The following PCDH9 variants were observed in gnomAD, a reference collection of about 807,000 sequenced individuals.
PCDH9 encodes the protein protocadherin-9.
PCDH9 carries 24 observed loss-of-function variants against 70.6 expected under a neutral mutation model. The observed-to-expected ratio is 0.34, with a 90% CI of 0.25 to 0.48. PCDH9 has a LOEUF of 0.48. PCDH9 is among the 20% of genes least tolerant of loss of function. The pLI is 0.99. For synonymous variants in PCDH9, 562 were observed against 558.5 expected (o/e 1.01, Z -0.09); for missense variants, 1,281 against 1,503.6 (o/e 0.85, Z 2.45).
At chr13:66,436,457 C>T (rs771939620) in intron 4 of PCDH9, among the ~76,000 whole-genome samples, 15 of 152,180 alleles carry the variant, frequency 9.9e-5, no homozygotes, top group Non-Finnish European at 1.3e-4. Context: ...ACCAAATGGA[C>T]GGATCCACTT....
intron 3 of PCDH9, among the ~76,000 whole-genome samples, chr13:66,713,107 T>G (rs932469626): frequency 6.6e-6 from 1 of 152,160 alleles, no homozygotes; most frequent in Non-Finnish European, 1.5e-5. Flanking sequence ...ATAGTTGTGT[T>G]TGTTTTCTTA....
chr13:67,130,467 C>A (rs1011162676), intron 2 of PCDH9, among the ~76,000 whole-genome samples: 1 of 151,884 alleles, frequency 6.6e-6, no homozygotes, highest in Admixed American at 6.6e-5. Context: ...ACAAACTGCA[C>A]CATTTTGTAA....
At chr13:67,150,794 A>C (rs1237593744) in intron 2 of PCDH9, among the ~76,000 whole-genome samples, 3 of 152,178 alleles carry the variant, frequency 2.0e-5, no homozygotes, top group Non-Finnish European at 4.4e-5. Flanking sequence ...GGTGTTCCCT[A>C]ATCTAATAGA....
chr13:66,902,916 C>A (rs1450944536), intron 3 of PCDH9, among the ~76,000 whole-genome samples: 2 of 151,416 alleles, frequency 1.3e-5, no homozygotes, highest in Non-Finnish European at 3.0e-5. Flanking sequence ...AAGAAAAGAA[C>A]AACTATGGAT....
intron 3 of PCDH9, among the ~76,000 whole-genome samples, chr13:66,752,246 C>T (rs2079471820): frequency 6.6e-6 from 1 of 152,168 alleles, no homozygotes; most frequent in Non-Finnish European, 1.5e-5. Flanking sequence ...TAGTATATGT[C>T]ATGTCTTCAA....
chr13:66,689,506 A>T, intron 3 of PCDH9, among the ~76,000 whole-genome samples: 1 of 152,166 alleles, frequency 6.6e-6, no homozygotes, highest in East Asian at 1.9e-4. Flanking sequence ...TTCAGGAAAA[A>T]AATTAATTTG....
intron 2 of PCDH9, among the ~76,000 whole-genome samples, chr13:66,945,637 T>C (rs948324702): frequency 2.6e-5 from 4 of 152,210 alleles, no homozygotes; most frequent in Non-Finnish European, 4.4e-5. Flanking sequence ...GAAAATTATA[T>C]TGTTAAGACG....
chr13:66,513,719 TAAA>T (rs879773251), intron 4 of PCDH9, among the ~76,000 whole-genome samples: 1 of 136,102 alleles, frequency 7.3e-6, no homozygotes, highest in African/African-American at 2.7e-5. Flanking sequence ...CTTTCTTAAG[TAAA>T]AAAAAAAAAA....
intron 2 of PCDH9, among the ~76,000 whole-genome samples, chr13:66,952,667 T>C (rs2083202407): frequency 6.6e-6 from 1 of 152,140 alleles, no homozygotes; most frequent in Non-Finnish European, 1.5e-5. Flanking sequence ...TAATTGCCTC[T>C]AACTCTCTCA....
chr13:66,780,635 T>C (rs1041711612), intron 3 of PCDH9, among the ~76,000 whole-genome samples: 1 of 152,142 alleles, frequency 6.6e-6, no homozygotes, highest in Non-Finnish European at 1.5e-5. Flanking sequence ...TACTCCCTAG[T>C]CAATATTCTT....
chr13:67,186,896 G>C (rs1156437713), intron 2 of PCDH9, among the ~76,000 whole-genome samples: 1 of 152,104 alleles, frequency 6.6e-6, no homozygotes, highest in Non-Finnish European at 1.5e-5. Flanking sequence ...AAAAAAGACA[G>C]TATTATAAAG....
chr13:66,726,503 A>G (rs576235639), intron 3 of PCDH9, among the ~76,000 whole-genome samples: 1 of 152,104 alleles, frequency 6.6e-6, no homozygotes, highest in Non-Finnish European at 1.5e-5. Context: ...CACTGTACAC[A>G]AGTCCCTAGA....
At chr13:66,662,696 A>T (rs927635034) in intron 3 of PCDH9, among the ~76,000 whole-genome samples, 1 of 152,180 alleles carries the variant, frequency 6.6e-6, no homozygotes, top group African/African-American at 2.4e-5. Flanking sequence ...ACAATGGGTG[A>T]CATAAGGAGT....
At chr13:66,663,998 C>G (rs542456733) in intron 3 of PCDH9, among the ~76,000 whole-genome samples, 1 of 152,292 alleles carries the variant, frequency 6.6e-6, no homozygotes, top group African/African-American at 2.4e-5. Flanking sequence ...AAAAAAGGAA[C>G]TACAGACTTT....
intron 3 of PCDH9, among the ~76,000 whole-genome samples, chr13:66,734,843 T>C (rs555331337): frequency 5.9e-5 from 9 of 152,314 alleles, no homozygotes; most frequent in South Asian, 4.1e-4. Context: ...CAGCACTTAG[T>C]ATGTACTAAA....
chr13:66,303,117 T>A lies in PCDH9; in HGVS notation c.*1538A>T, dbSNP rs1450176978. On this transcript the variant is annotated 3_prime_UTR_variant, in exon 5 of 5. Coordinates refer to ENST00000377865, the MANE Select transcript of PCDH9 (RefSeq NM_203487.3). Reference sequence around the variant, plus strand: ...ACCTTTTTTTTAAATTTTTTGTTTTTTTTTTGTTTTTTTTACTTTTAAATT... The same window carrying A: ...ACCTTTTTTTTAAATTTTTTGTTTTATTTTTGTTTTTTTTACTTTTAAATT... 1 of 152,410 alleles carries A rather than the reference T, an allele frequency of 6.6e-6. No individual in the cohort carries two copies. The highest frequency in any genetic ancestry group is 1.5e-5 in the Non-Finnish European group (1 of 67,952). 9.4% of individuals were successfully genotyped at this position (152,410 alleles called of 1,614,324 possible).
chr13:66,767,827 T>G lies in PCDH9; in HGVS notation c.3138+135677A>C, dbSNP rs78534211. On this transcript the variant is annotated intron_variant, in intron 3 of 4. Coordinates refer to ENST00000377865, the MANE Select transcript of PCDH9 (RefSeq NM_203487.3). ...AATCCTTTTTCCTCTTCCCTCTTTC[T>G]TCCAGAAACATTTATTGAAACCATG... is the stretch of plus-strand genomic sequence containing the variant. 3.9e-5 allele frequency among the ~76,000 whole-genome samples: 6 copies of G among 152,242 alleles called. No homozygotes were observed. The East Asian group carries it at 1.2e-3, about 29-fold the overall frequency.
At chr13:66,922,532 ATT>A (rs1388518817) in intron 2 of PCDH9, among the ~76,000 whole-genome samples, 2 of 151,474 alleles carry the variant, frequency 1.3e-5, no homozygotes, top group Non-Finnish European at 3.0e-5. Context: ...GGACAAACTT[ATT>A]CCAACAACTC....
At position 66,358,306 on chromosome 13, in the gene PCDH9, A is replaced by G. The variant is rs570929573; in HGVS notation, c.3341-53278T>C. 9.9e-5 allele frequency among the ~76,000 whole-genome samples: 15 copies of G among 152,100 alleles called. No individual in the cohort carries two copies. In the South Asian group the frequency reaches 1.2e-3, roughly 13 times the overall value. On this transcript the variant is annotated intron_variant, in intron 4 of 4. Transcript: ENST00000377865. ...ACCTTTGGTAGGATTATAATTATTT[A>G]CTATACATTTATTACTCTTTCTTTA...
Sources: allele counts gnomAD v4.1 joint callset (sites outside exome capture counted in the v4.1 genomes callset), GRCh38; gene constraint gnomAD v4.1.1; transcripts MANE v1.5; gene names NCBI Gene and HGNC (gene_info 2026-07-23, HGNC 2026-07-21).